UGT1A1: variants seen among roughly 807,000 people sequenced by gnomAD.
The protein encoded by UGT1A1 is UDP glucuronosyltransferase family 1 member A1, also known as UDP-glucuronosyltransferase 1A1.
In UGT1A1, 33 loss-of-function variants were observed where a neutral mutation model predicts 40.6. That is an observed-to-expected ratio of 0.81 (90% CI 0.62 to 1.09). UGT1A1 has a LOEUF of 1.09. UGT1A1 is among the 50% of genes least tolerant of loss of function. The probability of loss-of-function intolerance (pLI) is 0.00; values close to 1 mark genes in which losing one functional copy is unlikely to be tolerated. For synonymous variants in UGT1A1, 249 were observed against 265.0 expected, an observed-to-expected ratio of 0.94 and a Z score of 0.59; for missense variants, 694 against 671.2, an observed-to-expected ratio of 1.03 and a Z score of -0.38.
chr2:233,762,367 A>G lies in UGT1A1; in HGVS notation c.864+1216A>G, dbSNP rs34270252. ...GTTCTTTGTACTCCAGCTATTACAT[A>G]CCAATATGTATATAGAAACATATGT... On this transcript the variant is annotated intron_variant, in intron 1 of 4. Transcript: ENST00000305208. 2.9e-4 allele frequency among the ~76,000 whole-genome samples: 44 copies of G among 152,378 alleles called. 2 individuals are homozygous for G. The East Asian group carries it at 8.1e-3, about 28-fold the overall frequency.
rs573018562 is a variant in UGT1A1 at position 233,765,032 on chromosome 2, G to A, written c.865-2002G>A. On this transcript the variant is annotated intron_variant, in intron 1 of 4. Transcript: ENST00000305208. Reference sequence around the variant, plus strand: ...AATCAGGCTTGGCAGGAGTCCTGCTGTGCAAATTGCGTTTGCTGAGCCCTG... The same window carrying A: ...AATCAGGCTTGGCAGGAGTCCTGCTATGCAAATTGCGTTTGCTGAGCCCTG... 2.6e-5 allele frequency among the ~76,000 whole-genome samples: 4 copies of A among 152,152 alleles called. No homozygotes were observed. In the East Asian group the frequency reaches 7.7e-4, roughly 29 times the overall value.
chr2:233,762,413 T>A (rs977567909), intron 1 of UGT1A1, among the ~76,000 whole-genome samples: 9 of 152,252 alleles, frequency 5.9e-5, no homozygotes, highest in African/African-American at 2.2e-4. Flanking sequence ...GGTTGCTTTT[T>A]CTACAAAATA....
At chr2:233,768,494 T>A in intron 4 of UGT1A1, 55 bp downstream of exon 4, 1 of 1,575,098 alleles carries the variant, frequency 6.3e-7, no homozygotes, top group Non-Finnish European at 8.6e-7. Context: ...GATAAAATTG[T>A]TTCAAATATG....
At chr2:233,765,847 T>G (rs531904348) in intron 1 of UGT1A1, among the ~76,000 whole-genome samples, 5 of 152,168 alleles carry the variant, frequency 3.3e-5, no homozygotes, top group African/African-American at 9.6e-5. Context: ...CTTGTCCCCC[T>G]CACAGAGCAT....
chr2:233,772,435 G>C lies in UGT1A1; in HGVS notation c.1478G>C (p.Gly493Ala). ...WYQYHSLDVIGFLLAVVLTVA... is the reference protein window; with the variant it reads ...WYQYHSLDVIAFLLAVVLTVA... ...CAGTACCATTCCTTGGACGTGATTG[G>C]TTTCCTCTTGGCCGTCGTGCTGACA... Residue 493 changes from glycine to alanine, a missense_variant, in exon 5 of 5, where the codon GGT becomes GCT. Coordinates refer to ENST00000305208, the MANE Select transcript of UGT1A1 (RefSeq NM_000463.3). The C allele has an allele frequency of 6.2e-7, 1 of 1,614,208 alleles. No homozygotes were observed. The highest frequency in any genetic ancestry group is 1.7e-5 in the Admixed American group (1 of 60,022).
chr2:233,771,872 A>G (rs1206206288), intron 4 of UGT1A1, among the ~76,000 whole-genome samples: 1 of 140,570 alleles, frequency 7.1e-6, no homozygotes, highest in East Asian at 2.2e-4. Flanking sequence ...AACATTTATT[A>G]AGAATAAGTT....
chr2:233,768,076 A>G (rs1699558493), intron 3 of UGT1A1, 140 bp downstream of exon 3: 2 of 1,593,048 alleles, frequency 1.3e-6, no homozygotes, highest in African/African-American at 1.3e-5. Flanking sequence ...CTAGTGGGGT[A>G]TCTCAACCCA....
chr2:233,767,208 G>A (rs1699334912), intron 2 of UGT1A1, 43 bp downstream of exon 2: 1 of 1,612,972 alleles, frequency 6.2e-7, no homozygotes, highest in Non-Finnish European at 8.5e-7. Context: ...ATTTTCACAG[G>A]AGCGCTAATC....
chr2:233,773,279 T>G lies in UGT1A1; in HGVS notation c.*720T>G, dbSNP rs1468042895. 1 of 152,208 alleles carries G rather than the reference T, an allele frequency of 6.6e-6. No homozygotes were observed. Among genetic ancestry groups the G allele is most frequent in the African/African-American group, 2.4e-5 (1 of 41,464 alleles). 9.4% of individuals were successfully genotyped at this position (152,208 alleles called of 1,614,324 possible). On this transcript the variant is annotated 3_prime_UTR_variant, in exon 5 of 5. Transcript: ENST00000305208. ...ATGTTTCCTACAACTAAAAATAAATTAATAAATTTATATAAATTCTATTTA... is the reference window on the plus strand; with the variant it reads ...ATGTTTCCTACAACTAAAAATAAATGAATAAATTTATATAAATTCTATTTA...
Position 233,769,784 on chromosome 2 carries a change from G to A in UGT1A1, c.1304+1345G>A. 3 of 1,312,290 alleles carry A rather than the reference G, an allele frequency of 2.3e-6. No individual in the cohort carries two copies. The highest frequency in any genetic ancestry group is 3.0e-6 in the Non-Finnish European group (3 of 1,000,230). 81.3% of individuals were successfully genotyped at this position (1,312,290 alleles called of 1,614,324 possible). The stretch of plus-strand genomic sequence containing the variant: ...GCGGGAGGATTGCTTGAGCCCAGAA[G>A]TTGGAGGCTGCTATGAGCCGTGATC... On this transcript the variant is annotated intron_variant, in intron 4 of 4. Coordinates refer to ENST00000305208, the MANE Select transcript of UGT1A1 (RefSeq NM_000463.3). This position sits in a 1 kb window ranked among gnomAD's most constrained non-coding sequence, Gnocchi z 4.4.
In UGT1A1 at chr2:233,761,081, C is replaced by A; in HGVS notation, c.794C>A (p.Pro265His). The change falls in exon 1 of 5, where the codon CCT (proline) becomes CAT (histidine). Residue 265 changes from proline to histidine, a missense_variant. Pro to His is a moderately conservative substitution (Grantham distance 77). Coordinates refer to ENST00000305208, the MANE Select transcript of UGT1A1 (RefSeq NM_000463.3). ...LFRSDFVKDY[P>H]RPIMPNMVFV... ...AGAAGTGACTTTGTGAAGGATTACC[C>A]TAGGCCCATCATGCCCAATATGGTT... 2 of 1,614,180 alleles carry A rather than the reference C, an allele frequency of 1.2e-6. No individual in the cohort carries two copies. Among genetic ancestry groups the A allele is most frequent in the Non-Finnish European group, 1.7e-6 (2 of 1,180,032 alleles).
intron 1 of UGT1A1, among the ~76,000 whole-genome samples, 180 bp from the exon 2 acceptor site, chr2:233,766,854 A>G (rs966764700): frequency 6.6e-6 from 1 of 152,226 alleles, no homozygotes. Flanking sequence ...CTCCTTTAGA[A>G]GGAAGTAAAG....
At position 233,767,068 on chromosome 2, in the gene UGT1A1, A is replaced by G. The variant is rs1055696021; in HGVS notation, c.899A>G (p.His300Arg). 45 of 1,614,026 alleles carry G rather than the reference A, an allele frequency of 2.8e-5. No individual in the cohort carries two copies. Among genetic ancestry groups the G allele is most frequent in the Non-Finnish European group, 3.6e-5 (43 of 1,180,024 alleles). The change falls in exon 2 of 5, where the codon CAT becomes CGT. Residue 300 changes from histidine to arginine, a missense_variant. Physicochemically the swap from His to Arg is conservative, Grantham distance 29. Coordinates refer to ENST00000305208, the MANE Select transcript of UGT1A1 (RefSeq NM_000463.3). ...GCCTACATTAATGCTTCTGGAGAAC[A>G]TGGAATTGTGGTTTTCTCTTTGGGA... Reference protein sequence around the residue: ...FEAYINASGEHGIVVFSLGSM... With the variant: ...FEAYINASGERGIVVFSLGSM...
chr2:233,761,518 T>G (rs780967719), intron 1 of UGT1A1, among the ~76,000 whole-genome samples: 1 of 152,242 alleles, frequency 6.6e-6, no homozygotes, highest in Non-Finnish European at 1.5e-5. Flanking sequence ...GCAGGCAATG[T>G]TCAGGACTGA....
chr2:233,772,894 C>CCA lies in UGT1A1; in HGVS notation c.*337_*338dup, dbSNP rs554656848. 8.1e-6 allele frequency: 4 copies of CCA among 491,752 alleles called. No individual in the cohort carries two copies. Among genetic ancestry groups the CCA allele is most frequent in the Non-Finnish European group, 1.3e-5 (4 of 303,172 alleles). The allele number at this position is 491,752 out of a possible 1,614,324, so 30.5% of individuals were successfully genotyped here. A position where few individuals can be genotyped will look rare whatever the true frequency, so the allele number is the denominator to read the frequency against. ...GGGAGTGCGGGATTCAAAGGTGGTC[C>CCA]CACGGCTGCCCCTACTGCAAATGGC... On this transcript the variant is annotated 3_prime_UTR_variant, in exon 5 of 5. Transcript: ENST00000305208.
In UGT1A1 at chr2:233,768,342, C is replaced by G; in HGVS notation, c.1207C>G (p.Arg403Gly). Residue 403 changes from arginine (R) to glycine (G), a missense_variant, in exon 4 of 5, where the codon CGC becomes GGC. Physicochemically the swap from Arg to Gly is moderately radical, Grantham distance 125. Transcript: ENST00000305208. ...TGGTGATCAGATGGACAATGCAAAG[C>G]GCATGGAGACTAAGGGAGCTGGAGT... ...LFGDQMDNAK[R>G]METKGAGVTL... 6.2e-7 allele frequency: 1 copy of G among 1,614,092 alleles called. No homozygotes were observed. Among genetic ancestry groups the G allele is most frequent in the South Asian group, 1.1e-5 (1 of 91,066 alleles).
At chr2:233,772,199 A>T (rs1700481420) in intron 4 of UGT1A1, 63 bp from the exon 5 acceptor site, 2 of 1,605,338 alleles carry the variant, frequency 1.2e-6, no homozygotes, top group African/African-American at 1.3e-5. Flanking sequence ...AGCCATGAGC[A>T]TAAAGAGAGG....
In UGT1A1 at chr2:233,768,243, A is replaced by G. The variant is rs748989741; in HGVS notation, c.1108A>G (p.Ile370Val). 8 of 1,614,146 alleles carry G rather than the reference A, an allele frequency of 5.0e-6. No individual in the cohort carries two copies. In the South Asian group the frequency reaches 7.7e-5, roughly 16 times the overall value. Residue 370 changes from isoleucine (I) to valine (V), a missense_variant, in exon 4 of 5, where the codon ATC (isoleucine) becomes GTC (valine). Ile to Val is a conservative substitution (Grantham distance 29). Transcript: ENST00000305208. ...LLGHPMTRAF[I>V]THAGSHGVYE... is the part of the protein sequence containing the mutation. ...AGGTCACCCGATGACCCGTGCCTTT[A>G]TCACCCATGCTGGTTCCCATGGTGT...
At chr2:233,762,713 C>T (rs1377918494) in intron 1 of UGT1A1, among the ~76,000 whole-genome samples, 1 of 150,748 alleles carries the variant, frequency 6.6e-6, no homozygotes, top group South Asian at 2.1e-4. Context: ...AAGTATTTTA[C>T]ACGGTTTTTT....
Sources: allele counts gnomAD v4.1 joint callset (sites outside exome capture counted in the v4.1 genomes callset), GRCh38; gene constraint gnomAD v4.1.1; non-coding constraint Gnocchi (gnomAD v3.1); transcripts MANE v1.5; gene names NCBI Gene and HGNC (gene_info 2026-07-23, HGNC 2026-07-21).